SLC25A14: variants seen among roughly 807,000 people sequenced by gnomAD.
SLC25A14 encodes brain mitochondrial carrier protein 1.
A neutral mutation model predicts 28.1 loss-of-function variants in SLC25A14; 8 were observed. That is an observed-to-expected ratio of 0.28 (90% CI 0.17 to 0.51). SLC25A14 has a LOEUF of 0.51. Ranked by LOEUF, SLC25A14 falls within the 20% of genes least tolerant of loss-of-function variation. SLC25A14 has a pLI of 0.97. For synonymous variants in SLC25A14, 74 were observed against 90.6 expected, an observed-to-expected ratio of 0.82 and a Z score of 1.04; for missense variants, 135 against 263.8, an observed-to-expected ratio of 0.51 and a Z score of 3.38.
At chrX:130,349,379 C>G (rs1219775838) in intron 5 of SLC25A14, 34 bp downstream of exon 5, 2 of 903,687 alleles carry the variant, frequency 2.2e-6, no homozygotes, top group African/African-American at 4.0e-5. Context: ...AGGTGATACT[C>G]AAAGGGATTG....
intron 7 of SLC25A14, among the ~76,000 whole-genome samples, chrX:130,362,158 G>C (rs1334819850): frequency 2.1e-5 from 2 of 94,938 alleles, no homozygotes; most frequent in Non-Finnish European, 4.3e-5. Context: ...TATTTTTTGA[G>C]ACGGAGTCTT....
intron 6 of SLC25A14, among the ~76,000 whole-genome samples, chrX:130,356,217 CTTTTTTTTTTTTTTT>C (rs145822008): frequency 1.9e-5 from 1 of 52,055 alleles, no homozygotes; most frequent in Non-Finnish European, 3.3e-5. Flanking sequence ...CAAGGGCAAT[CTTTTTTTTTTTTTTT>C]TTTTTTTTTT....
At position 130,365,668 on chromosome X, in the gene SLC25A14, A is replaced by G; in HGVS notation, c.847A>G (p.Ile283Val). The stretch of plus-strand genomic sequence containing the variant: ...TCTCTATAAGGGCACTGTTGATGGT[A>G]TTTTAAAGGTAAGTACATTGTGGAT... ...VDLYKGTVDG[I>V]LKMWKHEGFF... The change falls in exon 9 of 11, where the codon ATT becomes GTT. Residue 283 changes from isoleucine to valine, a missense_variant. Coordinates refer to ENST00000545805, the MANE Select transcript of SLC25A14 (RefSeq NM_001282195.2). The G allele has an allele frequency of 8.3e-7, 1 of 1,202,604 alleles. No homozygotes were observed. The highest frequency in any genetic ancestry group is 1.1e-6 in the Non-Finnish European group (1 of 887,982).
intron 9 of SLC25A14, among the ~76,000 whole-genome samples, chrX:130,366,399 CAT>C (rs2034118212): frequency 8.9e-6 from 1 of 112,306 alleles, no homozygotes; most frequent in Non-Finnish European, 1.9e-5. Flanking sequence ...AACAATAACT[CAT>C]ATCCACTGAG....
At chrX:130,357,242 C>T (rs143549353) in intron 6 of SLC25A14, among the ~76,000 whole-genome samples, 2 of 111,901 alleles carry the variant, frequency 1.8e-5, no homozygotes, top group East Asian at 5.6e-4. Context: ...CATGATGAAC[C>T]AAATACCAAA....
At chrX:130,367,422 G>A (rs1472755525) in intron 9 of SLC25A14, among the ~76,000 whole-genome samples, 1 of 111,709 alleles carries the variant, frequency 9.0e-6, no homozygotes, top group East Asian at 2.8e-4. Context: ...ACGTCTTGGG[G>A]GAGACATCCT....
At chrX:130,343,903 G>C (rs761393129) in intron 2 of SLC25A14, among the ~76,000 whole-genome samples, 1 of 112,052 alleles carries the variant, frequency 8.9e-6, no homozygotes, top group Non-Finnish European at 1.9e-5. Flanking sequence ...TGGAGGCATA[G>C]AGAGATTAAC....
Position 130,372,899 on chromosome X carries a change from TACTC to T in SLC25A14, c.937-9_937-6del. The T allele has an allele frequency of 8.6e-7, 1 of 1,166,418 alleles. No homozygotes were observed. The highest frequency in any genetic ancestry group is 1.2e-6 in the Non-Finnish European group (1 of 857,529). On this transcript the variant is annotated splice_polypyrimidine_tract_variant and splice_region_variant and intron_variant, in intron 10 of 10. Transcript: ENST00000545805. ...ATCAACCTGGTGATCTTCCTTGACTTACTCCTCAGTTTTTTATTACATACGAGCA... is the reference window on the plus strand; with the variant it reads ...ATCAACCTGGTGATCTTCCTTGACTTCTCAGTTTTTTATTACATACGAGCA...
rs1472208939 is a variant in SLC25A14 at position 130,372,923 on chromosome X, C to T, written c.951C>T (p.Tyr317=). ...TTACTCCTCAGTTTTTTATTACATA[C>T]GAGCAGCTAAAGAGGCTTCAAATCT... ...GPWNIIFFIT[Y]EQLKRLQI is the part of the protein sequence containing the mutation. The change falls in exon 11 of 11, where the codon TAC becomes TAT. Residue 317 remains tyrosine, a synonymous_variant. Coordinates refer to ENST00000545805, the MANE Select transcript of SLC25A14 (RefSeq NM_001282195.2). 3.4e-6 allele frequency: 4 copies of T among 1,192,388 alleles called. No individual in the cohort carries two copies. The highest frequency in any genetic ancestry group is 3.4e-6 in the Non-Finnish European group (3 of 880,569).
rs144584146 is a variant in SLC25A14, at chrX:130,346,698, C to T, written c.317+7C>T. On this transcript the variant is annotated splice_region_variant and intron_variant, in intron 4 of 10. Coordinates refer to ENST00000545805, the MANE Select transcript of SLC25A14 (RefSeq NM_001282195.2). ...TATTGGCTCTCTATTCAGGGTGAGA[C>T]TGGTTCTTTCCTTATATCATTAACA... The T allele has an allele frequency of 1.3e-5, 15 of 1,187,631 alleles. No individual in the cohort carries two copies. The African/African-American group carries it at 2.6e-4, about 21-fold the overall frequency.
chrX:130,364,243 A>T (rs1251198470), intron 7 of SLC25A14, among the ~76,000 whole-genome samples: 1 of 111,472 alleles, frequency 9.0e-6, no homozygotes, highest in Non-Finnish European at 1.9e-5. Context: ...TTGTTGTAAG[A>T]GTTATTTATA....
intron 4 of SLC25A14, 112 bp downstream of exon 4, chrX:130,346,803 A>G: frequency 1.6e-6 from 1 of 630,503 alleles, no homozygotes. Context: ...TCAACTTGTA[A>G]TTCAGTATTG....
At chrX:130,358,787 C>G (rs963922714) in intron 7 of SLC25A14, 52 bp downstream of exon 7, 31 of 918,786 alleles carry the variant, frequency 3.4e-5, no homozygotes, top group Non-Finnish European at 4.8e-5. Flanking sequence ...CTACAATTTG[C>G]AGAGAATTTT....
intron 6 of SLC25A14, among the ~76,000 whole-genome samples, chrX:130,352,835 G>T (rs1297015328): frequency 1.8e-5 from 2 of 112,225 alleles, no homozygotes; most frequent in African/African-American, 6.5e-5. Flanking sequence ...TGCATAGTTT[G>T]TGAATATTTT....
chrX:130,359,352 C>CAAAAAAAAAAAAAAAAAAAAAAAAAATA (rs55826694), intron 7 of SLC25A14, among the ~76,000 whole-genome samples: 1 of 26,235 alleles, frequency 3.8e-5, no homozygotes, highest in African/African-American at 1.3e-4. Context: ...GACTCTGTCT[C>CAAAAAAAAAAAAAAAAAAAAAAAAAATA]AAAAAAAAAA....
intron 3 of SLC25A14, 107 bp from the exon 4 acceptor site, chrX:130,346,437 A>G: frequency 1.5e-6 from 1 of 646,371 alleles, no homozygotes; most frequent in Non-Finnish European, 2.4e-6. Context: ...TATGTGTTAT[A>G]AAAAGGACTT....
intron 6 of SLC25A14, among the ~76,000 whole-genome samples, chrX:130,353,038 A>G (rs1170625745): frequency 2.7e-5 from 3 of 112,093 alleles, no homozygotes; most frequent in Admixed American, 9.4e-5. Context: ...GATTCTTAAA[A>G]TTTGAGGTCT....
At position 130,365,535 on chromosome X, in the gene SLC25A14, T is replaced by C. The variant is rs756322952; in HGVS notation, c.720-6T>C. On this transcript the variant is annotated splice_polypyrimidine_tract_variant and splice_region_variant and intron_variant, in intron 8 of 10. Coordinates refer to ENST00000545805, the MANE Select transcript of SLC25A14 (RefSeq NM_001282195.2). ...GGGGTCGATCTACTTAAACTTTTCCTCTTAGTTCCAGCTTTACATGTGGTT... is the reference window on the plus strand; with the variant it reads ...GGGGTCGATCTACTTAAACTTTTCCCCTTAGTTCCAGCTTTACATGTGGTT... 49 of 1,209,443 alleles carry C rather than the reference T, an allele frequency of 4.1e-5. No homozygotes were observed. Among genetic ancestry groups the C allele is most frequent in the Non-Finnish European group, 5.1e-5 (46 of 894,994 alleles).
chrX:130,360,479 A>G (rs2033936161), intron 7 of SLC25A14, among the ~76,000 whole-genome samples: 1 of 111,502 alleles, frequency 9.0e-6, no homozygotes, highest in East Asian at 2.8e-4. Context: ...TGTAAAACAT[A>G]AGTTTTTTCC....
Sources: allele counts gnomAD v4.1 joint callset (sites outside exome capture counted in the v4.1 genomes callset), GRCh38; gene constraint gnomAD v4.1.1; transcripts MANE v1.5; gene names NCBI Gene and HGNC (gene_info 2026-07-23, HGNC 2026-07-21).